Variants in TNIP1 observed in about 807,000 individuals in gnomAD.
TNIP1 encodes the protein TNFAIP3-interacting protein 1.
In TNIP1, 22 loss-of-function variants were observed where a neutral mutation model predicts 86.6. The ratio of observed to expected loss-of-function variants is 0.25; its 90% CI spans 0.18 to 0.36. The LOEUF is 0.36. Ranked by LOEUF, TNIP1 falls within the 10% of genes least tolerant of loss-of-function variation. TNIP1 has a pLI of 1.00. For synonymous variants in TNIP1, 294 were observed against 313.0 expected (o/e 0.94, Z 0.64); for missense variants, 709 against 820.6 (o/e 0.86, Z 1.66).
In TNIP1 at chr5:151,033,659, G is replaced by A. The variant is rs1757224409; in HGVS notation, c.1728C>T (p.Pro576=). Residue 576 remains proline, a synonymous_variant, in exon 16 of 18, where the codon CCC becomes CCT. Coordinates refer to ENST00000521591, the MANE Select transcript of TNIP1 (RefSeq NM_006058.5). ...DWSQIRYPPP[P]MAMEHPPPLP... ...GTGGGGGCGGGTGCTCCATGGCCAT[G>A]GGGGGAGGGGGGTAGCGGATCTGGG... The A allele has an allele frequency of 7.4e-7, 1 of 1,351,222 alleles. No individual in the cohort carries two copies. The allele number at this position is 1,351,222 out of a possible 1,614,324, so 83.7% of individuals were successfully genotyped here. A position where few individuals can be genotyped will look rare whatever the true frequency, so the allele number is the denominator to read the frequency against.
chr5:151,034,079 G>A (rs542590040), intron 15 of TNIP1, among the ~76,000 whole-genome samples: 29 of 150,784 alleles, frequency 1.9e-4, no homozygotes, highest in Non-Finnish European at 3.7e-4. Flanking sequence ...ACATGGGCAC[G>A]GAAGGCTGGT....
chr5:151,053,802 C>T, intron 6 of TNIP1, among the ~76,000 whole-genome samples: 1 of 152,220 alleles, frequency 6.6e-6, no homozygotes, highest in South Asian at 2.1e-4. Flanking sequence ...TAAAATGATA[C>T]AGTCTAACAG....
intron 12 of TNIP1, 28 bp from the exon 13 acceptor site, chr5:151,036,949 A>C: frequency 6.4e-7 from 1 of 1,563,246 alleles, no homozygotes; most frequent in Non-Finnish European, 8.7e-7. Flanking sequence ...TGGGACCATC[A>C]GCAGGAACCC....
Position 151,033,127 on chromosome 5 carries a change from C to CAAA in TNIP1, c.1779+478_1779+480dup, listed in dbSNP as rs11375507. 9.1e-3 allele frequency among the ~76,000 whole-genome samples: 714 copies of CAAA among 78,642 alleles called. 17 individuals carry two copies. The highest frequency in any genetic ancestry group is 0.034 in the African/African-American group (640 of 18,610). The allele number at this position is 78,642 out of a possible 152,430, so 51.6% of individuals were successfully genotyped here. ...GGCAAAAAAGAGTGAAATTCCATCT[C>CAAA]AAAAAAAAAAAAAAAAAAGGAAAAG... On this transcript the variant is annotated intron_variant, in intron 16 of 17. Transcript: ENST00000521591.
intron 1 of TNIP1, among the ~76,000 whole-genome samples, chr5:151,066,952 G>C (rs1762310196): frequency 6.6e-6 from 1 of 152,154 alleles, no homozygotes; most frequent in African/African-American, 2.4e-5. Flanking sequence ...ATAAGGACTT[G>C]TCCAAGAGCG....
chr5:151,053,205 G>A (rs1158423105), intron 6 of TNIP1, among the ~76,000 whole-genome samples: 2 of 147,046 alleles, frequency 1.4e-5, no homozygotes, highest in Non-Finnish European at 3.0e-5. Context: ...CACCTCCCAG[G>A]TTCAAGAGAT....
chr5:151,072,076 G>T (rs888543696), intron 1 of TNIP1, among the ~76,000 whole-genome samples: 1 of 152,238 alleles, frequency 6.6e-6, no homozygotes, highest in Non-Finnish European at 1.5e-5. Flanking sequence ...TGAGGAAGCA[G>T]ACTCAGAGAA....
chr5:151,079,925 A>AC (rs1763813950), intron 1 of TNIP1: 1 of 152,136 alleles, frequency 6.6e-6, no homozygotes, highest in Non-Finnish European at 1.5e-5. Flanking sequence ...TCCCATTTTG[A>AC]CCGTACTGTG....
intron 17 of TNIP1, 148 bp from the exon 18 acceptor site, chr5:151,030,895 C>T: frequency 1.6e-6 from 1 of 620,306 alleles, no homozygotes; most frequent in Middle Eastern, 3.2e-4. Flanking sequence ...CTTAAGTACG[C>T]TGGTCATGTA....
chr5:151,059,829 G>C (rs1761236014), intron 5 of TNIP1, among the ~76,000 whole-genome samples: 2 of 50,526 alleles, frequency 4.0e-5, no homozygotes, highest in South Asian at 6.3e-4. Context: ...GAGAGAGAGA[G>C]TGTGTGTGTG....
chr5:151,071,372 G>A (rs1468921477), intron 1 of TNIP1, among the ~76,000 whole-genome samples: 1 of 152,064 alleles, frequency 6.6e-6, no homozygotes, highest in African/African-American at 2.4e-5. Flanking sequence ...GTACACTAGG[G>A]CGAACATCTT....
At chr5:151,030,899 T>A in intron 17 of TNIP1, 152 bp from the exon 18 acceptor site, 1 of 609,580 alleles carries the variant, frequency 1.6e-6, no homozygotes, top group East Asian at 2.9e-5. Flanking sequence ...AGTACGCTGG[T>A]CATGTAATCT....
chr5:151,069,721 G>A (rs1762623715), intron 1 of TNIP1, among the ~76,000 whole-genome samples: 1 of 152,164 alleles, frequency 6.6e-6, no homozygotes, highest in Non-Finnish European at 1.5e-5. Context: ...TATAGGGAAG[G>A]GGTCTCCAGG....
intron 1 of TNIP1, among the ~76,000 whole-genome samples, chr5:151,075,798 C>T (rs1763325414): frequency 1.3e-5 from 2 of 152,224 alleles, no homozygotes; most frequent in Non-Finnish European, 2.9e-5. Context: ...GAGAGCCTGG[C>T]CAATGCTCTG....
chr5:151,074,330 C>T (rs77676577), intron 1 of TNIP1, among the ~76,000 whole-genome samples: 2,458 of 152,250 alleles, frequency 0.016, 76 homozygotes, highest in African/African-American at 0.056. Context: ...GGAGGATGGC[C>T]TGAAACCAGA....
intron 17 of TNIP1, 91 bp downstream of exon 17, chr5:151,032,196 A>G: frequency 8.7e-7 from 1 of 1,146,408 alleles, no homozygotes; most frequent in Non-Finnish European, 1.3e-6. Flanking sequence ...AAGAGCAGAA[A>G]CTAACGACAT....
intron 1 of TNIP1, among the ~76,000 whole-genome samples, chr5:151,078,136 A>T (rs1465675510): frequency 6.6e-6 from 1 of 152,170 alleles, no homozygotes; most frequent in African/African-American, 2.4e-5. Context: ...CTCATAGCAC[A>T]TCTCCCCATT....
chr5:151,086,042 A>G (rs2017638), intron 1 of TNIP1, among the ~76,000 whole-genome samples: 79,730 of 152,020 alleles, frequency 0.52, 21,678 homozygotes, highest in East Asian at 0.73. Context: ...GGACTTCCCT[A>G]GGCTGTGAAA....
At chr5:151,076,602 C>T (rs763705707) in intron 1 of TNIP1, among the ~76,000 whole-genome samples, 7 of 152,202 alleles carry the variant, frequency 4.6e-5, no homozygotes, top group Admixed American at 2.6e-4. Flanking sequence ...ATGCACACCT[C>T]GTCCTCTGGT....
Sources: allele counts gnomAD v4.1 joint callset (sites outside exome capture counted in the v4.1 genomes callset), GRCh38; gene constraint gnomAD v4.1.1; transcripts MANE v1.5; gene names NCBI Gene and HGNC (gene_info 2026-07-23, HGNC 2026-07-21).